The following HS3ST4 variants were observed in gnomAD, a reference collection of about 807,000 sequenced individuals.
HS3ST4 encodes heparan sulfate glucosamine 3-O-sulfotransferase 4.
HS3ST4 carries 17 observed loss-of-function variants against 29.2 expected under a neutral mutation model. The observed-to-expected ratio is 0.58, with a 90% CI of 0.40 to 0.87. HS3ST4 has a LOEUF of 0.87. HS3ST4 is among the 40% of genes least tolerant of loss of function. The pLI, the probability that HS3ST4 is intolerant of heterozygous loss-of-function variation, is 0.00. For missense variants in HS3ST4, 627 were observed against 634.5 expected, an observed-to-expected ratio of 0.99 and a Z score of 0.13; for synonymous variants, 314 against 285.7, an observed-to-expected ratio of 1.10 and a Z score of -1.00.
chr16:25,950,995 A>G (rs985842347), intron 1 of HS3ST4, among the ~76,000 whole-genome samples: 1 of 152,064 alleles, frequency 6.6e-6, no homozygotes, highest in Non-Finnish European at 1.5e-5. Flanking sequence ...CCTAAACAGC[A>G]TGTAGACTCC....
At position 25,935,106 on chromosome 16, in the gene HS3ST4, G is replaced by A. The variant is rs118032378; in HGVS notation, c.735-200506G>A. 7.9e-5 allele frequency among the ~76,000 whole-genome samples: 12 copies of A among 152,198 alleles called. No homozygotes were observed. In the East Asian group the frequency reaches 1.9e-3, roughly 25 times the overall value. Reference sequence around the variant, plus strand: ...TCTCTCTCCTGCCACCGTGTGAGAAGGTCCAATCACCTTCCACCATGATTG... The same window carrying A: ...TCTCTCTCCTGCCACCGTGTGAGAAAGTCCAATCACCTTCCACCATGATTG... On this transcript the variant is annotated intron_variant, in intron 1 of 1. Coordinates refer to ENST00000331351, the MANE Select transcript of HS3ST4 (RefSeq NM_006040.3).
chr16:25,955,917 C>T (rs1968727907), intron 1 of HS3ST4, among the ~76,000 whole-genome samples: 1 of 151,310 alleles, frequency 6.6e-6, no homozygotes, highest in Non-Finnish European at 1.5e-5. Flanking sequence ...TGGGTTCAAG[C>T]AATTCTCCTG....
intron 1 of HS3ST4, among the ~76,000 whole-genome samples, chr16:25,960,842 G>A (rs1023075327): frequency 2.0e-5 from 3 of 152,198 alleles, no homozygotes; most frequent in Admixed American, 1.3e-4. Flanking sequence ...ATGTGCTCTT[G>A]AAGGAGATAT....
At chr16:25,750,848 G>A (rs562695722) in intron 1 of HS3ST4, among the ~76,000 whole-genome samples, 19 of 152,210 alleles carry the variant, frequency 1.2e-4, no homozygotes, top group Non-Finnish European at 2.6e-4. Context: ...TCTTTCCAGT[G>A]GATTCAATTA....
chr16:25,957,093 A>G (rs1384279948), intron 1 of HS3ST4, among the ~76,000 whole-genome samples: 1 of 151,900 alleles, frequency 6.6e-6, no homozygotes, highest in East Asian at 1.9e-4. Flanking sequence ...AGAGACGATC[A>G]GAGCCCAAAG....
chr16:25,901,598 C>G (rs1036922810), intron 1 of HS3ST4, among the ~76,000 whole-genome samples: 1 of 152,150 alleles, frequency 6.6e-6, no homozygotes, highest in Non-Finnish European at 1.5e-5. Context: ...CGGTTGAACC[C>G]AGGAGGCAGA....
chr16:25,775,334 G>A lies in HS3ST4; in HGVS notation c.734+82183G>A, dbSNP rs557601986. 1.4e-4 allele frequency among the ~76,000 whole-genome samples: 21 copies of A among 152,274 alleles called. No homozygotes were observed. The East Asian group carries it at 3.7e-3, about 27-fold the overall frequency. On this transcript the variant is annotated intron_variant, in intron 1 of 1. Transcript: ENST00000331351. The stretch of plus-strand genomic sequence containing the variant: ...TGCCCTCCCATAAAAAAGACAGCAC[G>A]TGACTACAGAATGCTCTGTGGCTGA...
chr16:26,012,281 A>C (rs572667929), intron 1 of HS3ST4, among the ~76,000 whole-genome samples: 48 of 152,280 alleles, frequency 3.2e-4, no homozygotes, highest in African/African-American at 1.1e-3. Flanking sequence ...TGAGGATCGG[A>C]GAAAGGGGAA....
At chr16:25,705,197 C>G (rs1966367243) in intron 1 of HS3ST4, among the ~76,000 whole-genome samples, 1 of 152,202 alleles carries the variant, frequency 6.6e-6, no homozygotes, top group Non-Finnish European at 1.5e-5. Context: ...CGGGGGCCCC[C>G]TGTTTGACTT....
chr16:26,010,207 A>C (rs952484989), intron 1 of HS3ST4, among the ~76,000 whole-genome samples: 1 of 152,166 alleles, frequency 6.6e-6, no homozygotes, highest in African/African-American at 2.4e-5. Context: ...TAATCCCAGC[A>C]CTATGGGAGG....
At chr16:25,782,181 C>T (rs770930907) in intron 1 of HS3ST4, among the ~76,000 whole-genome samples, 1 of 152,122 alleles carries the variant, frequency 6.6e-6, no homozygotes, top group Non-Finnish European at 1.5e-5. Flanking sequence ...AGAATTCACT[C>T]ATTATCACAA....
intron 1 of HS3ST4, among the ~76,000 whole-genome samples, chr16:26,047,471 C>T (rs1409273035): frequency 6.6e-6 from 1 of 152,158 alleles, no homozygotes; most frequent in Non-Finnish European, 1.5e-5. Flanking sequence ...AGTCATTTGT[C>T]AGTTGGTGTC....
chr16:25,762,893 A>AAAG (rs1555464552), intron 1 of HS3ST4, among the ~76,000 whole-genome samples: 4 of 149,206 alleles, frequency 2.7e-5, no homozygotes, highest in Admixed American at 6.7e-5. Context: ...AAAAAAAAAA[A>AAAG]AAAAAAGAAA....
At chr16:25,702,531 C>T (rs1966341019) in intron 1 of HS3ST4, among the ~76,000 whole-genome samples, 1 of 152,068 alleles carries the variant, frequency 6.6e-6, no homozygotes, top group Non-Finnish European at 1.5e-5. Context: ...CTTTCTTTTC[C>T]TTCCTTCCTC....
At chr16:25,890,942 G>A (rs751192652) in intron 1 of HS3ST4, among the ~76,000 whole-genome samples, 2 of 142,478 alleles carry the variant, frequency 1.4e-5, no homozygotes, top group African/African-American at 3.1e-5. Flanking sequence ...GAAAATGGAT[G>A]GGGCTGGCTG....
At chr16:26,054,026 G>T (rs1024535409) in intron 1 of HS3ST4, among the ~76,000 whole-genome samples, 12 of 152,164 alleles carry the variant, frequency 7.9e-5, no homozygotes, top group Non-Finnish European at 1.8e-4. Flanking sequence ...AGCAGAAAAT[G>T]CACCTGCTCT....
At chr16:26,063,595 G>C (rs1898507029) in intron 1 of HS3ST4, among the ~76,000 whole-genome samples, 1 of 152,094 alleles carries the variant, frequency 6.6e-6, no homozygotes, top group Non-Finnish European at 1.5e-5. Context: ...TACTTGGGAG[G>C]TTCAGTGGGA....
intron 1 of HS3ST4, among the ~76,000 whole-genome samples, chr16:25,877,966 C>CA (rs1967850373): frequency 6.6e-6 from 1 of 152,076 alleles, no homozygotes; most frequent in Admixed American, 6.6e-5. Context: ...GTCAGGTAAA[C>CA]AGGCATTTCT....
At chr16:25,796,120 G>A (rs1192837030) in intron 1 of HS3ST4, among the ~76,000 whole-genome samples, 1 of 151,992 alleles carries the variant, frequency 6.6e-6, no homozygotes, top group East Asian at 1.9e-4. Context: ...CCCTGAACCC[G>A]TTTACTTTGC....
Sources: gnomAD v4.1 joint callset for allele counts (sites outside exome capture counted in the v4.1 genomes callset) on GRCh38, gnomAD v4.1.1 for gene constraint, MANE v1.5 for transcripts, NCBI Gene and HGNC (gene_info 2026-07-23, HGNC 2026-07-21) for gene names.